The following ZNF644 variants were observed in gnomAD, a reference collection of about 807,000 sequenced individuals.
ZNF644 encodes zinc finger motif enhancer binding protein 2.
ZNF644 carries 20 observed loss-of-function variants against 108.0 expected under a neutral mutation model. The ratio of observed to expected loss-of-function variants is 0.19; its 90% CI spans 0.13 to 0.27. The LOEUF is 0.27. Ranked by LOEUF, ZNF644 falls within the 10% of genes least tolerant of loss-of-function variation. The pLI, the probability that ZNF644 is intolerant of heterozygous loss-of-function variation, is 1.00. For missense variants in ZNF644, 1,338 were observed against 1,548.9 expected, an observed-to-expected ratio of 0.86 and a Z score of 2.29; for synonymous variants, 542 against 539.1, an observed-to-expected ratio of 1.01 and a Z score of -0.08.
At chr1:90,986,314 AG>A (rs1368999393) in intron 1 of ZNF644, among the ~76,000 whole-genome samples, 2 of 146,164 alleles carry the variant, frequency 1.4e-5, no homozygotes, top group African/African-American at 5.0e-5. Context: ...TAAGGTGAAA[AG>A]AAAAAACAAA....
chr1:91,008,659 C>G (rs1360312939), intron 1 of ZNF644, among the ~76,000 whole-genome samples: 1 of 152,150 alleles, frequency 6.6e-6, no homozygotes, highest in African/African-American at 2.4e-5. Flanking sequence ...TCTCTAGGTC[C>G]CAGTGATAGT....
At chr1:90,958,277 A>G (rs1458940494) in intron 2 of ZNF644, among the ~76,000 whole-genome samples, 3 of 151,270 alleles carry the variant, frequency 2.0e-5, no homozygotes, top group Admixed American at 6.6e-5. Context: ...TAACCAAGAA[A>G]GTAAAAGACT....
chr1:90,982,517 T>C, intron 1 of ZNF644, 147 bp from the exon 2 acceptor site: 1 of 606,894 alleles, frequency 1.6e-6, no homozygotes, highest in South Asian at 2.2e-5. Flanking sequence ...TCAACCAGAA[T>C]ACCATCATTT....
intron 2 of ZNF644, among the ~76,000 whole-genome samples, chr1:90,973,752 C>T (rs553996556): frequency 1.6e-4 from 24 of 152,038 alleles, no homozygotes; most frequent in Non-Finnish European, 2.5e-4. Flanking sequence ...CTGCAGGAGA[C>T]GTCAATATTT....
At chr1:90,941,388 T>C (rs1193010331) in intron 2 of ZNF644, 79 bp from the exon 3 acceptor site, 8 of 1,280,622 alleles carry the variant, frequency 6.2e-6, no homozygotes, top group Non-Finnish European at 8.6e-6. Flanking sequence ...TGAAAGTACA[T>C]ATTTTTATTA....
chr1:91,013,360 G>T (rs898180221), intron 1 of ZNF644, among the ~76,000 whole-genome samples: 2 of 152,038 alleles, frequency 1.3e-5, no homozygotes, highest in African/African-American at 2.4e-5. Context: ...ACAGGCATGA[G>T]CCAATGCACC....
In ZNF644 at chr1:90,939,035, G is replaced by A. The variant is rs775861438; in HGVS notation, c.2319C>T (p.His773=). The change falls in exon 3 of 6, where the codon CAC becomes CAT. Residue 773 remains histidine, a synonymous_variant. Coordinates refer to ENST00000337393, the MANE Select transcript of ZNF644 (RefSeq NM_201269.3). ...KEEASSLNSL[H]LFSSSSNSHN... is the part of the protein sequence containing the mutation. Reference sequence around the variant, plus strand: ...GAGAATTACTTGATGATGAAAACAGGTGTAAAGAATTTAATGAACTAGCTT... The same window carrying A: ...GAGAATTACTTGATGATGAAAACAGATGTAAAGAATTTAATGAACTAGCTT... 81 of 1,613,898 alleles carry A rather than the reference G, an allele frequency of 5.0e-5. 2 individuals are homozygous for A. In the Admixed American group the frequency reaches 1.3e-3, roughly 26 times the overall value.
In ZNF644 at chr1:90,938,293, G is replaced by A. The variant is rs1329261903; in HGVS notation, c.3061C>T (p.Pro1021Ser). Residue 1021 changes from proline (P) to serine (S), a missense_variant, in exon 3 of 6, where the codon CCT (proline) becomes TCT (serine). By Grantham distance (74) the Pro-to-Ser change is moderately conservative. Transcript: ENST00000337393. The surrounding 1 kb of genome is among the most constrained non-coding windows in gnomAD (Gnocchi z 4.2). Reference sequence around the variant, plus strand: ...TTACCTTTTCTAACTCGTTTAACAGGTGTTCCTGTGCCAGTTCTTTTGAAA... The same window carrying A: ...TTACCTTTTCTAACTCGTTTAACAGATGTTCCTGTGCCAGTTCTTTTGAAA... ...QHFKRTGTGTPVKRVRKAIEK... is the reference protein window; with the variant it reads ...QHFKRTGTGTSVKRVRKAIEK... 11 of 1,613,940 alleles carry A rather than the reference G, an allele frequency of 6.8e-6. No individual in the cohort carries two copies. Among genetic ancestry groups the A allele is most frequent in the Non-Finnish European group, 9.3e-6 (11 of 1,179,894 alleles).
At chr1:91,002,198 C>A (rs905828720) in intron 1 of ZNF644, among the ~76,000 whole-genome samples, 2 of 152,046 alleles carry the variant, frequency 1.3e-5, no homozygotes, top group Non-Finnish European at 2.9e-5. Flanking sequence ...CATATGGAAC[C>A]AAAAAAGAGC....
chr1:90,948,394 T>C (rs1294723076), intron 2 of ZNF644, among the ~76,000 whole-genome samples: 2 of 152,214 alleles, frequency 1.3e-5, no homozygotes, highest in East Asian at 3.8e-4. Flanking sequence ...ACATGGTGGC[T>C]TTAAAGGGAC....
At chr1:90,920,613 T>C (rs1272820501) in intron 4 of ZNF644, among the ~76,000 whole-genome samples, 1 of 152,042 alleles carries the variant, frequency 6.6e-6, no homozygotes, top group African/African-American at 2.4e-5. Flanking sequence ...TTAGGCTGTT[T>C]TATGAATGAT....
At chr1:90,932,060 A>AC (rs1650790625) in intron 4 of ZNF644, among the ~76,000 whole-genome samples, 1 of 152,172 alleles carries the variant, frequency 6.6e-6, no homozygotes, top group Admixed American at 6.5e-5. Flanking sequence ...AAGATTGAGA[A>AC]CCATCACATT....
In ZNF644 at chr1:90,938,099, A is replaced by G; in HGVS notation, c.3083-9T>C. On this transcript the variant is annotated splice_polypyrimidine_tract_variant and intron_variant, in intron 3 of 5. Transcript: ENST00000337393. This position sits in a 1 kb window ranked among gnomAD's most constrained non-coding sequence, Gnocchi z 4.2. Reference sequence around the variant, plus strand: ...TTCAGACTTCTCTATAGCTAGAAAAAAATTTTTAAGAGTAATATCAGACTT... The same window carrying G: ...TTCAGACTTCTCTATAGCTAGAAAAGAATTTTTAAGAGTAATATCAGACTT... 1 of 1,610,992 alleles carries G rather than the reference A, an allele frequency of 6.2e-7. No individual in the cohort carries two copies.
chr1:90,995,256 T>A (rs577750021), intron 1 of ZNF644, among the ~76,000 whole-genome samples: 3 of 151,994 alleles, frequency 2.0e-5, no homozygotes, highest in African/African-American at 7.2e-5. Flanking sequence ...CAATAAAAAA[T>A]TCCTCAGATG....
chr1:90,930,146 C>T lies in ZNF644; in HGVS notation c.3688+7339G>A, dbSNP rs145407628. Reference sequence around the variant, plus strand: ...TACTAAAAATACAAAATTAGCCGGGCGTGATGGCGTGTGCCTGTAATCCCA... The same window carrying T: ...TACTAAAAATACAAAATTAGCCGGGTGTGATGGCGTGTGCCTGTAATCCCA... On this transcript the variant is annotated intron_variant, in intron 4 of 5. Transcript: ENST00000337393. Among the ~76,000 whole-genome samples the T allele has an allele frequency of 6.9e-3, 1,050 of 152,142 alleles. 16 individuals carry two copies. The highest frequency in any genetic ancestry group is 0.024 in the African/African-American group (985 of 41,510).
rs777410835 is a variant in ZNF644 at position 90,916,929 on chromosome 1, G to T, written c.3853C>A (p.Gln1285Lys). 6.2e-7 allele frequency: 1 copy of T among 1,614,130 alleles called. No homozygotes were observed. Among genetic ancestry groups the T allele is most frequent in the East Asian group, 2.2e-5 (1 of 44,858 alleles). The change falls in exon 6 of 6, where the codon CAA (glutamine) becomes AAA (lysine). Residue 1285 changes from glutamine to lysine, a missense_variant. By Grantham distance (53) the Gln-to-Lys change is moderately conservative. Around this residue, in one of 6 missense-constraint regions of ZNF644, gnomAD observed 34 missense variants for 78.6 expected, o/e 0.43. Coordinates refer to ENST00000337393, the MANE Select transcript of ZNF644 (RefSeq NM_201269.3). ...AGATTAGCGTTTACAATATGTCGTT[G>T]TAAGTGCTTAATCCAGTCTTCCTGA... is the stretch of plus-strand genomic sequence containing the variant. Reference protein sequence around the residue: ...SVQEDWIKHLQRHIVNANLPR... With the variant: ...SVQEDWIKHLKRHIVNANLPR...
intron 2 of ZNF644, among the ~76,000 whole-genome samples, chr1:90,956,010 C>A (rs1653719779): frequency 6.6e-6 from 1 of 152,120 alleles, no homozygotes; most frequent in Non-Finnish European, 1.5e-5. Context: ...GGCCACTGTA[C>A]AGTTATAAAT....
At chr1:90,958,739 A>T (rs1399409190) in intron 2 of ZNF644, among the ~76,000 whole-genome samples, 1 of 152,184 alleles carries the variant, frequency 6.6e-6, no homozygotes, top group African/African-American at 2.4e-5. Flanking sequence ...TTCTCAACAA[A>T]TGGTACTGGG....
At chr1:90,952,743 C>A (rs1201124312) in intron 2 of ZNF644, among the ~76,000 whole-genome samples, 1 of 151,880 alleles carries the variant, frequency 6.6e-6, no homozygotes, top group Non-Finnish European at 1.5e-5. Context: ...ACATACATTC[C>A]AACATCTAGT....
Sources: gnomAD v4.1 joint callset for allele counts (sites outside exome capture counted in the v4.1 genomes callset) on GRCh38, gnomAD v4.1.1 for gene constraint, gnomAD v4.1.1 regional missense constraint, Gnocchi (gnomAD v3.1) non-coding constraint, MANE v1.5 for transcripts, NCBI Gene and HGNC (gene_info 2026-07-23, HGNC 2026-07-21) for gene names.